DACH1: variants seen among roughly 807,000 people sequenced by gnomAD.
The protein encoded by DACH1 is dachshund homolog 1.
DACH1 carries 12 observed loss-of-function variants against 54.2 expected under a neutral mutation model. That is an observed-to-expected ratio of 0.22 (90% CI 0.14 to 0.36). The LOEUF (loss-of-function observed/expected upper bound fraction) is 0.36. Ranked by LOEUF, DACH1 falls within the 10% of genes least tolerant of loss-of-function variation. The probability of loss-of-function intolerance (pLI) is 1.00; values close to 1 mark genes in which losing one functional copy is unlikely to be tolerated. For missense variants in DACH1, 805 were observed against 929.8 expected (o/e 0.87, Z 1.75); for synonymous variants, 386 against 366.2 (o/e 1.05, Z -0.62).
intron 10 of DACH1, among the ~76,000 whole-genome samples, chr13:71,445,835 A>T (rs773228140): frequency 3.9e-5 from 6 of 152,206 alleles, no homozygotes; most frequent in Admixed American, 3.3e-4. Flanking sequence ...GGAACTAACA[A>T]CAGGCTTCTG....
chr13:71,604,772 C>G (rs924812216), intron 3 of DACH1, among the ~76,000 whole-genome samples: 7 of 151,858 alleles, frequency 4.6e-5, no homozygotes, highest in African/African-American at 1.4e-4. Flanking sequence ...CCTCCTGCAT[C>G]AAAAGCATTA....
chr13:71,709,867 T>G (rs2138774980), intron 1 of DACH1, among the ~76,000 whole-genome samples: 1 of 152,210 alleles, frequency 6.6e-6, no homozygotes, highest in South Asian at 2.1e-4. Flanking sequence ...TTTGACAGGG[T>G]TTTGCTCTGC....
intron 1 of DACH1, among the ~76,000 whole-genome samples, chr13:71,751,680 A>T (rs1326815306): frequency 6.6e-6 from 1 of 152,194 alleles, no homozygotes; most frequent in Non-Finnish European, 1.5e-5. Context: ...TAAATATGAA[A>T]GTAAAAAGTA....
intron 1 of DACH1, among the ~76,000 whole-genome samples, chr13:71,706,774 A>G (rs948415450): frequency 6.6e-6 from 1 of 152,146 alleles, no homozygotes; most frequent in African/African-American, 2.4e-5. Flanking sequence ...AAATGCATTA[A>G]TTCTCATATT....
chr13:71,457,334 T>G (rs1875660785), intron 10 of DACH1, among the ~76,000 whole-genome samples: 1 of 151,986 alleles, frequency 6.6e-6, no homozygotes, highest in Non-Finnish European at 1.5e-5. Flanking sequence ...TTGTCATAGA[T>G]AAAATCTGCA....
At chr13:71,811,669 T>C (rs1478266516) in intron 1 of DACH1, among the ~76,000 whole-genome samples, 1 of 152,222 alleles carries the variant, frequency 6.6e-6, no homozygotes, top group East Asian at 1.9e-4. Flanking sequence ...CCTCATTCTC[T>C]ACCTTTGCTG....
At chr13:71,681,750 G>T in intron 2 of DACH1, 45 bp downstream of exon 2, 1 of 1,400,368 alleles carries the variant, frequency 7.1e-7, no homozygotes, top group Non-Finnish European at 1.0e-6. Context: ...CTACGACATT[G>T]GCTGATTTTT....
chr13:71,516,818 T>C (rs1311507195), intron 6 of DACH1, among the ~76,000 whole-genome samples: 2 of 151,748 alleles, frequency 1.3e-5, no homozygotes, highest in Non-Finnish European at 2.9e-5. Context: ...GCAAAAACAT[T>C]AGAGATTATT....
intron 3 of DACH1, among the ~76,000 whole-genome samples, chr13:71,601,346 A>G (rs1267828265): frequency 2.0e-5 from 3 of 152,162 alleles, no homozygotes; most frequent in East Asian, 3.9e-4. Flanking sequence ...TTACAGAAAT[A>G]TTCGTCCCTT....
chr13:71,570,213 T>C (rs755627914), intron 4 of DACH1, among the ~76,000 whole-genome samples: 3 of 152,188 alleles, frequency 2.0e-5, no homozygotes, highest in Non-Finnish European at 2.9e-5. Flanking sequence ...ACCCTTATTC[T>C]CTGAGGACAC....
intron 7 of DACH1, among the ~76,000 whole-genome samples, chr13:71,487,081 T>C (rs1159106071): frequency 6.6e-6 from 1 of 151,948 alleles, no homozygotes; most frequent in Non-Finnish European, 1.5e-5. Context: ...GAACTCCCGA[T>C]CTCAGGTGAT....
At chr13:71,832,089 G>A (rs918121028) in intron 1 of DACH1, among the ~76,000 whole-genome samples, 3 of 151,864 alleles carry the variant, frequency 2.0e-5, no homozygotes, top group Non-Finnish European at 4.4e-5. Context: ...GTCTTTGAAC[G>A]CATTTCTTGT....
At chr13:71,748,956 CTTTCTTTCTCTCTCTCTCTT>C (rs1566477203) in intron 1 of DACH1, among the ~76,000 whole-genome samples, 4 of 32,590 alleles carry the variant, frequency 1.2e-4, no homozygotes, top group Non-Finnish European at 4.3e-4. Context: ...TTCTTTCTCT[CTTTCTTTCTCTCTCTCTCTT>C]TCTTCTTTCC....
intron 6 of DACH1, among the ~76,000 whole-genome samples, chr13:71,507,187 C>A (rs1348578757): frequency 6.6e-6 from 1 of 152,258 alleles, no homozygotes; most frequent in East Asian, 1.9e-4. Context: ...CCCGATCTAT[C>A]CATGCAGTAG....
chr13:71,580,960 A>AT (rs1219014369), intron 3 of DACH1, among the ~76,000 whole-genome samples: 3 of 143,466 alleles, frequency 2.1e-5, no homozygotes, highest in Non-Finnish European at 4.7e-5. Flanking sequence ...AGGGGTCTTC[A>AT]TTTTTTTCCC....
At chr13:71,846,922 G>A (rs1053424459) in intron 1 of DACH1, among the ~76,000 whole-genome samples, 4 of 152,050 alleles carry the variant, frequency 2.6e-5, no homozygotes, top group African/African-American at 9.7e-5. Flanking sequence ...AAAAATAGTA[G>A]CATGTAATTA....
intron 10 of DACH1, among the ~76,000 whole-genome samples, chr13:71,468,207 G>A (rs1048886371): frequency 7.9e-5 from 12 of 152,146 alleles, no homozygotes; most frequent in African/African-American, 2.4e-4. Flanking sequence ...CAGCTTCAGT[G>A]TTTACCAATT....
At chr13:71,578,967 C>T (rs1377892937) in intron 3 of DACH1, among the ~76,000 whole-genome samples, 1 of 151,878 alleles carries the variant, frequency 6.6e-6, no homozygotes, top group East Asian at 1.9e-4. Context: ...TCTAACTGCC[C>T]CATTACCTAT....
At chr13:71,850,307 TTAAA>T (rs1269599145) in intron 1 of DACH1, among the ~76,000 whole-genome samples, 1 of 152,164 alleles carries the variant, frequency 6.6e-6, no homozygotes, top group African/African-American at 2.4e-5. Context: ...TAGCTCTACT[TTAAA>T]ACAGAGTATT....
Sources: gnomAD v4.1 joint callset for allele counts (sites outside exome capture counted in the v4.1 genomes callset) on GRCh38, gnomAD v4.1.1 for gene constraint, MANE v1.5 for transcripts, NCBI Gene and HGNC (gene_info 2026-07-23, HGNC 2026-07-21) for gene names.